The following SIRT1 variants were observed in gnomAD, a reference collection of about 807,000 sequenced individuals.
The protein encoded by SIRT1 is NAD-dependent protein deacetylase sirtuin-1.
In SIRT1, 24 loss-of-function variants were observed where a neutral mutation model predicts 67.9. The ratio of observed to expected loss-of-function variants is 0.35; its 90% CI spans 0.26 to 0.50. The LOEUF is 0.50. SIRT1 is among the 20% of genes least tolerant of loss of function. SIRT1 has a pLI of 0.98. For synonymous variants in SIRT1, 378 were observed against 350.7 expected (o/e 1.08, Z -0.87); for missense variants, 873 against 937.2 (o/e 0.93, Z 0.89).
At chr10:67,891,656 T>C (rs959739792) in intron 4 of SIRT1, 102 bp downstream of exon 4, 4 of 1,147,768 alleles carry the variant, frequency 3.5e-6, no homozygotes, top group Admixed American at 4.1e-5. Flanking sequence ...TTTAGTAAAG[T>C]GAATGCTGCT....
intron 4 of SIRT1, among the ~76,000 whole-genome samples, chr10:67,898,388 G>A (rs1842692450): frequency 6.6e-6 from 1 of 152,052 alleles, no homozygotes; most frequent in Admixed American, 6.5e-5. Flanking sequence ...GGTAGAGGGA[G>A]AAACACGAAC....
chr10:67,910,651 C>T (rs1439163991), intron 7 of SIRT1, among the ~76,000 whole-genome samples: 1 of 152,052 alleles, frequency 6.6e-6, no homozygotes, highest in Non-Finnish European at 1.5e-5. Context: ...TTTGGGGGCT[C>T]AGAATGATTG....
intron 4 of SIRT1, among the ~76,000 whole-genome samples, chr10:67,895,706 T>G (rs535188362): frequency 6.6e-6 from 1 of 151,242 alleles, no homozygotes; most frequent in South Asian, 2.1e-4. Flanking sequence ...ATATCATTGA[T>G]TGTATGTGAT....
intron 4 of SIRT1, among the ~76,000 whole-genome samples, chr10:67,905,583 A>AT (rs1445518030): frequency 6.6e-6 from 1 of 152,154 alleles, no homozygotes; most frequent in African/African-American, 2.4e-5. Context: ...AATTTGAAAG[A>AT]TTAAATAGGT....
Position 67,906,693 on chromosome 10 carries a change from TTA to T in SIRT1, c.943-95_943-94del, listed in dbSNP as rs1442237244. ...ATGCTCATCTATTTCATTTTTAAAA[TTA>T]TGTGTGTGGGATTATCAGTATTTTT... On this transcript the variant is annotated intron_variant, in intron 4 of 8. Coordinates refer to ENST00000212015, the MANE Select transcript of SIRT1 (RefSeq NM_012238.5). 1.1e-5 allele frequency: 13 copies of T among 1,200,744 alleles called. No individual in the cohort carries two copies. The Admixed American group carries it at 1.2e-4, about 11-fold the overall frequency. The allele number at this position is 1,200,744 out of a possible 1,614,324, so 74.4% of individuals were successfully genotyped here. A position where few individuals can be genotyped will look rare whatever the true frequency, so the allele number is the denominator to read the frequency against.
intron 4 of SIRT1, among the ~76,000 whole-genome samples, chr10:67,897,927 G>T (rs1445112075): frequency 2.0e-5 from 3 of 148,368 alleles, no homozygotes; most frequent in African/African-American, 7.4e-5. Flanking sequence ...AGGCGAAACT[G>T]AATTAGGATG....
intron 8 of SIRT1, among the ~76,000 whole-genome samples, chr10:67,915,268 C>G (rs528682494): frequency 6.6e-6 from 1 of 152,198 alleles, no homozygotes; most frequent in South Asian, 2.1e-4. Flanking sequence ...GAGAATTCGT[C>G]TGGGATACGG....
intron 4 of SIRT1, among the ~76,000 whole-genome samples, chr10:67,894,276 T>C (rs1377981014): frequency 6.6e-6 from 1 of 152,250 alleles, no homozygotes; most frequent in African/African-American, 2.4e-5. Flanking sequence ...ACTTATATAA[T>C]TTGAACTTTT....
At position 67,915,822 on chromosome 10, in the gene SIRT1, T is replaced by C. The variant is rs35376371; in HGVS notation, c.1916-443T>C. On this transcript the variant is annotated intron_variant, in intron 8 of 8. Transcript: ENST00000212015. The stretch of plus-strand genomic sequence containing the variant: ...TTTAAAATAATTGGTGAAATAACCT[T>C]TATTGAATATGGTTTTCTACATTTT... 9.8e-5 allele frequency among the ~76,000 whole-genome samples: 15 copies of C among 152,308 alleles called. No individual in the cohort carries two copies. The East Asian group carries it at 2.7e-3, about 27-fold the overall frequency.
At chr10:67,886,346 A>G (rs1412118015) in intron 1 of SIRT1, among the ~76,000 whole-genome samples, 2 of 151,884 alleles carry the variant, frequency 1.3e-5, no homozygotes, top group Non-Finnish European at 2.9e-5. Flanking sequence ...TAATCCTAGC[A>G]CTTTGGGAGG....
At chr10:67,900,061 G>C (rs1293472060) in intron 4 of SIRT1, among the ~76,000 whole-genome samples, 4 of 152,026 alleles carry the variant, frequency 2.6e-5, no homozygotes, top group African/African-American at 4.8e-5. Flanking sequence ...TCCAGCCTGG[G>C]CAACAGAGCG....
At chr10:67,903,033 C>T (rs963871372) in intron 4 of SIRT1, among the ~76,000 whole-genome samples, 3 of 152,068 alleles carry the variant, frequency 2.0e-5, no homozygotes, top group Non-Finnish European at 4.4e-5. Flanking sequence ...GTGGAGGTTG[C>T]AGTGAGCCGA....
At chr10:67,890,680 C>T (rs1244344944) in intron 3 of SIRT1, among the ~76,000 whole-genome samples, 1 of 151,956 alleles carries the variant, frequency 6.6e-6, no homozygotes, top group Non-Finnish European at 1.5e-5. Flanking sequence ...CCATAATGAG[C>T]CATGATGGCA....
intron 4 of SIRT1, among the ~76,000 whole-genome samples, chr10:67,900,975 T>A (rs1275303868): frequency 6.6e-6 from 1 of 152,202 alleles, no homozygotes; most frequent in Non-Finnish European, 1.5e-5. Flanking sequence ...TTATTGGGAT[T>A]CCAGCCTTTA....
chr10:67,886,543 G>A (rs1178334602), intron 1 of SIRT1, among the ~76,000 whole-genome samples: 1 of 132,136 alleles, frequency 7.6e-6, no homozygotes, highest in Non-Finnish European at 1.6e-5. Flanking sequence ...GCAACAGAGT[G>A]AGACCCCGTC....
chr10:67,912,080 G>T (rs1430049119), intron 7 of SIRT1, among the ~76,000 whole-genome samples: 4 of 152,012 alleles, frequency 2.6e-5, no homozygotes, highest in Admixed American at 6.6e-5. Context: ...CTTTATATCA[G>T]GAGCTACTTA....
intron 3 of SIRT1, 40 bp downstream of exon 3, chr10:67,889,163 T>A (rs1842530664): frequency 6.6e-7 from 1 of 1,524,140 alleles, no homozygotes; most frequent in Non-Finnish European, 8.7e-7. Context: ...TATATGTATT[T>A]TCTTATGCCT....
At position 67,899,941 on chromosome 10, in the gene SIRT1, G is replaced by A. The variant is rs373873127; in HGVS notation, c.943-6849G>A. Among the ~76,000 whole-genome samples the A allele has an allele frequency of 3.3e-5, 5 of 151,986 alleles. No homozygotes were observed. The East Asian group carries it at 5.9e-4, about 18-fold the overall frequency. On this transcript the variant is annotated intron_variant, in intron 4 of 8. Coordinates refer to ENST00000212015, the MANE Select transcript of SIRT1 (RefSeq NM_012238.5). ...CTACTAAAAATACAAAAAATTAGCCGGCCGTGGTGGCAAGCGCCTGTAGTC... is the reference window on the plus strand; with the variant it reads ...CTACTAAAAATACAAAAAATTAGCCAGCCGTGGTGGCAAGCGCCTGTAGTC...
chr10:67,887,505 T>C lies in SIRT1; in HGVS notation c.519T>C (p.Ser173=). ...DEEDRASHAS[S]SDWTPRPRIG... ...AGGATAGAGCCTCACATGCAAGCTC[T>C]AGTGACTGGACTCCAAGGCCACGGA... Residue 173 remains serine, a synonymous_variant, in exon 2 of 9, where the codon TCT becomes TCC. Coordinates refer to ENST00000212015, the MANE Select transcript of SIRT1 (RefSeq NM_012238.5). 2 of 1,611,462 alleles carry C rather than the reference T, an allele frequency of 1.2e-6. No homozygotes were observed. Among genetic ancestry groups the C allele is most frequent in the Non-Finnish European group, 1.7e-6 (2 of 1,177,618 alleles).
Sources: gnomAD v4.1 joint callset for allele counts (sites outside exome capture counted in the v4.1 genomes callset) on GRCh38, gnomAD v4.1.1 for gene constraint, MANE v1.5 for transcripts, NCBI Gene and HGNC (gene_info 2026-07-23, HGNC 2026-07-21) for gene names.